The following CNTN5 variants were observed in gnomAD, a reference collection of about 807,000 sequenced individuals.
CNTN5 encodes contactin-5.
CNTN5 carries 77 observed loss-of-function variants against 129.1 expected under a neutral mutation model. The observed-to-expected ratio is 0.60, with a 90% confidence interval of 0.50 to 0.72. The LOEUF (loss-of-function observed/expected upper bound fraction) is 0.72. Ranked by LOEUF, CNTN5 falls within the 30% of genes least tolerant of loss-of-function variation. The probability of loss-of-function intolerance (pLI) is 0.00; values close to 1 mark genes in which losing one functional copy is unlikely to be tolerated. For synonymous variants in CNTN5, 509 were observed against 465.6 expected, an observed-to-expected ratio of 1.09 and a Z score of -1.20; for missense variants, 1,478 against 1,328.8, an observed-to-expected ratio of 1.11 and a Z score of -1.75.
At chr11:100,152,440 C>A (rs965823646) in intron 13 of CNTN5, among the ~76,000 whole-genome samples, 1 of 152,072 alleles carries the variant, frequency 6.6e-6, no homozygotes, top group Non-Finnish European at 1.5e-5. Flanking sequence ...ACAAAAAACC[C>A]CCGCTGAATA....
At chr11:99,744,927 C>A (rs761600666) in intron 3 of CNTN5, among the ~76,000 whole-genome samples, 1 of 152,014 alleles carries the variant, frequency 6.6e-6, no homozygotes, top group African/African-American at 2.4e-5. Flanking sequence ...GTAAGGCAGG[C>A]GTTATTTTTA....
intron 9 of CNTN5, among the ~76,000 whole-genome samples, chr11:100,025,553 G>A (rs911041333): frequency 2.4e-4 from 37 of 152,276 alleles, no homozygotes; most frequent in African/African-American, 8.9e-4. Flanking sequence ...CCATGAGCCT[G>A]GAAAAGCTGC....
intron 1 of CNTN5, among the ~76,000 whole-genome samples, chr11:99,221,625 C>A (rs78373551): frequency 0.011 from 1,680 of 151,906 alleles, 22 homozygotes; most frequent in Non-Finnish European, 0.018. Context: ...GCCTTTTTAA[C>A]TTTCTGTGTC....
At chr11:99,859,202 C>T (rs566045641) in intron 6 of CNTN5, among the ~76,000 whole-genome samples, 22 of 152,310 alleles carry the variant, frequency 1.4e-4, no homozygotes, top group Admixed American at 4.6e-4. Context: ...TTCTCACAAT[C>T]TCTAATTTTG....
intron 3 of CNTN5, among the ~76,000 whole-genome samples, chr11:99,767,281 G>T (rs904420279): frequency 1.3e-5 from 2 of 152,096 alleles, no homozygotes; most frequent in South Asian, 2.1e-4. Context: ...ATGCCAAGTG[G>T]TAATTATTAA....
chr11:100,168,309 C>A (rs1052693754), intron 13 of CNTN5, among the ~76,000 whole-genome samples: 1 of 151,950 alleles, frequency 6.6e-6, no homozygotes, highest in Admixed American at 6.6e-5. Context: ...GAAGAGGATG[C>A]CGTCTACGAC....
At chr11:100,076,610 A>T (rs1347833369) in intron 13 of CNTN5, among the ~76,000 whole-genome samples, 1 of 151,858 alleles carries the variant, frequency 6.6e-6, no homozygotes, top group Non-Finnish European at 1.5e-5. Flanking sequence ...AGATCACTCA[A>T]TTTTTTCTAG....
At chr11:99,802,006 C>T (rs1946128774) in intron 3 of CNTN5, among the ~76,000 whole-genome samples, 1 of 152,148 alleles carries the variant, frequency 6.6e-6, no homozygotes, top group African/African-American at 2.4e-5. Context: ...ACTGGGATTT[C>T]TAATATTTGT....
At chr11:99,788,448 C>A (rs1311072370) in intron 3 of CNTN5, among the ~76,000 whole-genome samples, 1 of 151,864 alleles carries the variant, frequency 6.6e-6, no homozygotes, top group Admixed American at 6.6e-5. Flanking sequence ...ATAGAAACAT[C>A]TCATTAATTT....
intron 13 of CNTN5, among the ~76,000 whole-genome samples, chr11:100,145,409 G>C (rs1490982609): frequency 1.3e-5 from 2 of 152,040 alleles, no homozygotes; most frequent in Admixed American, 6.6e-5. Flanking sequence ...TAATCTCTTG[G>C]CTCTGCAAAT....
intron 9 of CNTN5, among the ~76,000 whole-genome samples, chr11:100,042,965 T>TAGGAAAAA (rs1204122507): frequency 4.6e-5 from 7 of 152,246 alleles, no homozygotes; most frequent in Non-Finnish European, 7.3e-5. Context: ...AGAACTGTGC[T>TAGGAAAAA]CTTCCTTTCC....
intron 3 of CNTN5, among the ~76,000 whole-genome samples, chr11:99,754,443 C>G (rs1032866098): frequency 6.6e-6 from 1 of 152,174 alleles, no homozygotes; most frequent in East Asian, 1.9e-4. Flanking sequence ...AGCCATCTCT[C>G]TTATTTGCTG....
intron 13 of CNTN5, among the ~76,000 whole-genome samples, chr11:100,104,361 G>A (rs1385046476): frequency 1.3e-5 from 2 of 151,882 alleles, no homozygotes; most frequent in Admixed American, 6.6e-5. Context: ...TCCCAAAGGT[G>A]TGAGCCACCA....
chr11:100,358,634 A>G lies in CNTN5; in HGVS notation c.*2414A>G, dbSNP rs1181660552. ...ATCACTAAAGAGACTGTATTTTTGTATAATGTCCATTGAATATGAAGAAAG... is the reference window on the plus strand; with the variant it reads ...ATCACTAAAGAGACTGTATTTTTGTGTAATGTCCATTGAATATGAAGAAAG... On this transcript the variant is annotated 3_prime_UTR_variant, in exon 25 of 25. Coordinates refer to ENST00000524871, the MANE Select transcript of CNTN5 (RefSeq NM_014361.4). The G allele has an allele frequency of 6.6e-6, 1 of 151,820 alleles. No individual in the cohort carries two copies. The highest frequency in any genetic ancestry group is 1.5e-5 in the Non-Finnish European group (1 of 67,818). The allele number at this position is 151,820 out of a possible 1,614,324, so 9.4% of individuals were successfully genotyped here.
In CNTN5 at chr11:99,040,879, T is replaced by A. The variant is rs531165547; in HGVS notation, c.-210+19609T>A. Among the ~76,000 whole-genome samples the A allele has an allele frequency of 9.2e-5, 14 of 152,252 alleles. No homozygotes were observed. The South Asian group carries it at 1.4e-3, about 16-fold the overall frequency. On this transcript the variant is annotated intron_variant, in intron 1 of 24. Coordinates refer to ENST00000524871, the MANE Select transcript of CNTN5 (RefSeq NM_014361.4). Reference sequence around the variant, plus strand: ...GTCATAAATCTGAAGTATTTAGCATTAACATTTCTTTAGTCACAATTTTAG... The same window carrying A: ...GTCATAAATCTGAAGTATTTAGCATAAACATTTCTTTAGTCACAATTTTAG...
At chr11:99,736,009 CTTTCTCTTTTT>C (rs1485584074) in intron 3 of CNTN5, among the ~76,000 whole-genome samples, 1 of 148,014 alleles carries the variant, frequency 6.8e-6, no homozygotes, top group Non-Finnish European at 1.5e-5. Context: ...ATTTCTTTTT[CTTTCTCTTTTT>C]TTTCTCTCTT....
intron 1 of CNTN5, among the ~76,000 whole-genome samples, chr11:99,045,805 C>A (rs144567783): frequency 3.3e-5 from 5 of 152,202 alleles, no homozygotes; most frequent in African/African-American, 1.2e-4. Flanking sequence ...TCTCACTGGG[C>A]AAATAACCCA....
At chr11:99,545,554 A>T (rs543045136) in intron 2 of CNTN5, among the ~76,000 whole-genome samples, 1 of 152,204 alleles carries the variant, frequency 6.6e-6, no homozygotes, top group Non-Finnish European at 1.5e-5. Flanking sequence ...ATGGCCCTAA[A>T]ATCTTATTCA....
chr11:99,223,787 T>C (rs56372563), intron 1 of CNTN5, among the ~76,000 whole-genome samples: 6,194 of 152,236 alleles, frequency 0.041, 314 homozygotes, highest in African/African-American at 0.12. Flanking sequence ...TATAGCTTCA[T>C]CACATAAAAA....
Sources: allele counts gnomAD v4.1 joint callset (sites outside exome capture counted in the v4.1 genomes callset), GRCh38; gene constraint gnomAD v4.1.1; transcripts MANE v1.5; gene names NCBI Gene and HGNC (gene_info 2026-07-23, HGNC 2026-07-21).